Variants in DIAPH2 observed in about 807,000 individuals in gnomAD.
DIAPH2 encodes protein diaphanous homolog 2.
Under a neutral mutation model 92.7 loss-of-function variants are expected in DIAPH2, and 35 were observed. That is an observed-to-expected ratio of 0.38 (90% confidence interval 0.29 to 0.50). The LOEUF (loss-of-function observed/expected upper bound fraction) is 0.50, where lower values mean the gene tolerates loss of function less well. Ranked by LOEUF, DIAPH2 falls within the 20% of genes least tolerant of loss-of-function variation. The pLI is 0.94. For synonymous variants in DIAPH2, 301 were observed against 280.4 expected, an observed-to-expected ratio of 1.07 and a Z score of -0.73; for missense variants, 701 against 819.5, an observed-to-expected ratio of 0.86 and a Z score of 1.77.
intron 26 of DIAPH2, chrX:97,528,691 T>C (rs1025611720): frequency 4.5e-5 from 5 of 111,894 alleles, no homozygotes; most frequent in African/African-American, 9.8e-5. Flanking sequence ...ACTTCCAACA[T>C]TGGGGATCAA....
intron 1 of DIAPH2, among the ~76,000 whole-genome samples, chrX:96,722,380 C>T (rs766240431): frequency 1.9e-4 from 21 of 110,406 alleles, no homozygotes; most frequent in African/African-American, 6.9e-4. Flanking sequence ...GAGAGACTCT[C>T]ATTCATTCAT....
intron 26 of DIAPH2, among the ~76,000 whole-genome samples, chrX:97,564,929 G>C (rs1038085064): frequency 1.8e-5 from 2 of 111,951 alleles, no homozygotes; most frequent in African/African-American, 6.5e-5. Context: ...ACCAAAAATA[G>C]AATCACAAGG....
intron 26 of DIAPH2, among the ~76,000 whole-genome samples, chrX:97,524,672 T>C (rs926591088): frequency 8.9e-6 from 1 of 112,301 alleles, no homozygotes; most frequent in African/African-American, 3.2e-5. Context: ...TGAAATTTAT[T>C]GTTGTTTTTG....
intron 26 of DIAPH2, among the ~76,000 whole-genome samples, chrX:97,584,631 G>A (rs1309048824): frequency 1.8e-5 from 2 of 111,380 alleles, no homozygotes; most frequent in Non-Finnish European, 3.8e-5. Context: ...AGGGTCATCA[G>A]ACTCCATACC....
intron 16 of DIAPH2, among the ~76,000 whole-genome samples, chrX:96,959,875 T>A (rs1333466033): frequency 8.9e-6 from 1 of 111,818 alleles, no homozygotes; most frequent in African/African-American, 3.2e-5. Context: ...GAAGAGGGTG[T>A]CCTTTCCCCA....
intron 4 of DIAPH2, among the ~76,000 whole-genome samples, chrX:96,857,143 A>T (rs2065045851): frequency 9.0e-6 from 1 of 111,640 alleles, no homozygotes; most frequent in South Asian, 3.8e-4. Context: ...AACGTAAAAT[A>T]TCCTTCTGAA....
At chrX:97,384,263 A>C (rs1244035070) in intron 25 of DIAPH2, among the ~76,000 whole-genome samples, 1 of 111,797 alleles carries the variant, frequency 8.9e-6, no homozygotes, top group Non-Finnish European at 1.9e-5. Context: ...TTGTTGAGAT[A>C]GTGTTTTTCT....
chrX:97,240,688 G>A (rs139447299), intron 22 of DIAPH2, among the ~76,000 whole-genome samples: 1,166 of 110,339 alleles, frequency 0.011, 14 homozygotes, highest in African/African-American at 0.033. Context: ...TTTTTTTCCC[G>A]TAGATTACAT....
In DIAPH2 at chrX:97,476,984, T is replaced by TACACACACAC. The variant is rs1190615516; in HGVS notation, c.3241+47271_3241+47280dup. 3.3e-4 allele frequency among the ~76,000 whole-genome samples: 19 copies of TACACACACAC among 57,072 alleles called. 1 individual carries two copies. Among genetic ancestry groups the TACACACACAC allele is most frequent in the African/African-American group, 4.3e-4 (5 of 11,664 alleles). The allele number at this position is 57,072 out of a possible 115,157, so 49.6% of individuals were successfully genotyped here. The stretch of plus-strand genomic sequence containing the variant: ...AAAAAAAAAAATATATATATATATA[T>TACACACACAC]ACACACACACACACACACACACACA... On this transcript the variant is annotated intron_variant, in intron 26 of 26. Transcript: ENST00000324765.
chrX:96,731,927 G>T (rs1027096354), intron 1 of DIAPH2, among the ~76,000 whole-genome samples: 2 of 111,584 alleles, frequency 1.8e-5, no homozygotes, highest in African/African-American at 6.5e-5. Flanking sequence ...ATGATCATTA[G>T]ATTTGCATAA....
chrX:96,802,660 G>C (rs2064591988), intron 4 of DIAPH2, among the ~76,000 whole-genome samples: 1 of 111,489 alleles, frequency 9.0e-6, no homozygotes, highest in African/African-American at 3.3e-5. Flanking sequence ...TTCCAAGGTG[G>C]TTGTATTAGT....
chrX:97,602,261 C>T lies in DIAPH2; in HGVS notation c.*2944C>T, dbSNP rs764490799. The T allele has an allele frequency of 9.8e-5, 11 of 111,996 alleles. No homozygotes were observed. The highest frequency in any genetic ancestry group is 2.8e-4 in the Admixed American group (3 of 10,536). 9.2% of individuals were successfully genotyped at this position (111,996 alleles called of 1,213,427 possible). On this transcript the variant is annotated 3_prime_UTR_variant, in exon 27 of 27. Transcript: ENST00000324765. Reference sequence around the variant, plus strand: ...TCCTAACATTACCAAAAGTCTCAACCCATTATATCAATCCTAAGTCCAAAA... The same window carrying T: ...TCCTAACATTACCAAAAGTCTCAACTCATTATATCAATCCTAAGTCCAAAA...
intron 4 of DIAPH2, among the ~76,000 whole-genome samples, chrX:96,825,136 A>G (rs1287899183): frequency 2.1e-5 from 2 of 94,905 alleles, no homozygotes; most frequent in Non-Finnish European, 2.1e-5. Flanking sequence ...TTTTTTTTTT[A>G]GTACATATGG....
intron 4 of DIAPH2, among the ~76,000 whole-genome samples, chrX:96,816,004 A>G (rs2064731801): frequency 9.0e-6 from 1 of 110,969 alleles, no homozygotes; most frequent in African/African-American, 3.3e-5. Context: ...CTCTCACCCC[A>G]TCACCTGTCG....
chrX:97,030,684 A>C (rs751030593), intron 17 of DIAPH2, among the ~76,000 whole-genome samples: 2 of 111,768 alleles, frequency 1.8e-5, no homozygotes, highest in East Asian at 5.6e-4. Context: ...TGTGTGTTTC[A>C]AATCACCTTA....
chrX:96,962,326 CATATATATATACATAT>C (rs2065858372), intron 16 of DIAPH2, among the ~76,000 whole-genome samples: 3 of 41,331 alleles, frequency 7.3e-5, no homozygotes, highest in African/African-American at 1.4e-4. Flanking sequence ...TATATATACA[CATATATATATACATAT>C]ATATATATAC....
intron 2 of DIAPH2, 69 bp from the exon 3 acceptor site, chrX:96,738,517 T>C: frequency 1.1e-6 from 1 of 936,135 alleles, no homozygotes. Flanking sequence ...TTTTGATGTT[T>C]CAATTCTTCA....
Position 97,483,452 on chromosome X carries a change from C to G in DIAPH2, c.3241+53707C>G, listed in dbSNP as rs1417876098. On this transcript the variant is annotated intron_variant, in intron 26 of 26. Coordinates refer to ENST00000324765, the MANE Select transcript of DIAPH2 (RefSeq NM_006729.5). Reference sequence around the variant, plus strand: ...AAGTACTGAATTCACTGCCTGACCTCTTAATCACAACTGCCAATTGGATTG... The same window carrying G: ...AAGTACTGAATTCACTGCCTGACCTGTTAATCACAACTGCCAATTGGATTG... Among the ~76,000 whole-genome samples the G allele has an allele frequency of 2.7e-5, 3 of 111,443 alleles. No homozygotes were observed. In the Admixed American group the frequency reaches 2.9e-4, roughly 11 times the overall value.
At chrX:97,089,467 G>T (rs1243583864) in intron 19 of DIAPH2, among the ~76,000 whole-genome samples, 1 of 111,814 alleles carries the variant, frequency 8.9e-6, no homozygotes, top group African/African-American at 3.3e-5. Flanking sequence ...GACTACATCT[G>T]AATAAAGCCA....
Sources: gnomAD v4.1 joint callset for allele counts (sites outside exome capture counted in the v4.1 genomes callset) on GRCh38, gnomAD v4.1.1 for gene constraint, MANE v1.5 for transcripts, NCBI Gene and HGNC (gene_info 2026-07-23, HGNC 2026-07-21) for gene names.